The following SRSF3 variants were observed in gnomAD, a reference collection of about 807,000 sequenced individuals.
SRSF3 encodes the protein serine and arginine rich splicing factor 3, also known as serine/arginine-rich splicing factor 3.
For missense variants in SRSF3, 58 were observed against 217.1 expected (o/e 0.27, Z 4.61); for synonymous variants, 87 against 73.6 (o/e 1.18, Z -0.93).
At position 36,603,547 on chromosome 6, in the gene SRSF3, A is replaced by AT. The variant is rs1778754486; in HGVS notation, c.*1560dup. The AT allele has an allele frequency of 4.4e-6, 1 of 227,420 alleles. No individual in the cohort carries two copies. The highest frequency in any genetic ancestry group is 8.8e-6 in the Non-Finnish European group (1 of 114,268). The allele number at this position is 227,420 out of a possible 1,614,324, so 14.1% of individuals were successfully genotyped here. On this transcript the variant is annotated 3_prime_UTR_variant, in exon 6 of 6. Coordinates refer to ENST00000373715, the MANE Select transcript of SRSF3 (RefSeq NM_003017.5). ...TTAAGAGTTCAAGCTAAATGGATAC[A>AT]TTAAGATACAGTTCCTAAACAAATT...
In SRSF3 at chr6:36,598,945, A is replaced by G. The variant is rs1778675087; in HGVS notation, c.303A>G (p.Arg101=). The change falls in exon 3 of 6, where the codon CGA becomes CGG. Residue 101 remains arginine, a synonymous_variant. Transcript: ENST00000373715. ...GPPPSWGRRP[R]DDYRRRSPPP... is the part of the protein sequence containing the mutation. The stretch of plus-strand genomic sequence containing the variant: ...CTCCCTCTTGGGGTCGTCGCCCTCG[A>G]GATGATTATCGTAGGAGGAGTCCTC... 6.2e-7 allele frequency: 1 copy of G among 1,614,090 alleles called. No individual in the cohort carries two copies. The highest frequency in any genetic ancestry group is 8.5e-7 in the Non-Finnish European group (1 of 1,180,048).
At chr6:36,599,804 A>C in intron 3 of SRSF3, 4 of 1,350,512 alleles carry the variant, frequency 3.0e-6, no homozygotes, top group Non-Finnish European at 3.9e-6. Context: ...TATTAATAAA[A>C]ATGAACCCCG....
chr6:36,595,535 A>T (rs1778612632), intron 1 of SRSF3, among the ~76,000 whole-genome samples: 1 of 152,088 alleles, frequency 6.6e-6, no homozygotes, highest in African/African-American at 2.4e-5. Flanking sequence ...AGCAACCACT[A>T]ATCTTCCTGT....
intron 1 of SRSF3, among the ~76,000 whole-genome samples, chr6:36,594,983 C>G (rs1229059154): frequency 6.6e-6 from 1 of 152,168 alleles, no homozygotes; most frequent in Non-Finnish European, 1.5e-5. Context: ...AAGATTCGTT[C>G]TTTCATCGCT....
chr6:36,596,185 A>C (rs1341429019), intron 1 of SRSF3, among the ~76,000 whole-genome samples: 1 of 152,056 alleles, frequency 6.6e-6, no homozygotes, highest in Non-Finnish European at 1.5e-5. Context: ...GCTTCCCAAA[A>C]GTTCTGGGAT....
chr6:36,605,261 AG>A lies in SRSF3; in HGVS notation c.*3274del, dbSNP rs1778790733. On this transcript the variant is annotated 3_prime_UTR_variant, in exon 6 of 6. Transcript: ENST00000373715. ...TCCCGGTGCATTGGGAGGTTGAGGC[AG>A]GTGGATCACTTGTGGTCAGGAGTTG... is the stretch of plus-strand genomic sequence containing the variant. 1 of 152,206 alleles carries A rather than the reference AG, an allele frequency of 6.6e-6. No homozygotes were observed. Among genetic ancestry groups the A allele is most frequent in the Admixed American group, 6.5e-5 (1 of 15,274 alleles). The allele number at this position is 152,206 out of a possible 1,614,324, so 9.4% of individuals were successfully genotyped here.
rs1778719791 is a variant in SRSF3, at chr6:36,601,791, G to A, written c.464G>A (p.Arg155His). 3.1e-6 allele frequency: 5 copies of A among 1,608,134 alleles called. No individual in the cohort carries two copies. The highest frequency in any genetic ancestry group is 4.5e-5 in the East Asian group (2 of 44,714). Reference protein sequence around the residue: ...HKPSRSFSRSRSRSRSNERK With the variant: ...HKPSRSFSRSHSRSRSNERK Reference sequence around the variant, plus strand: ...CCGTCCCGATCCTTCTCTAGGTCTCGTAGGTAAGATCTTTGATAACTTGTA... The same window carrying A: ...CCGTCCCGATCCTTCTCTAGGTCTCATAGGTAAGATCTTTGATAACTTGTA... Residue 155 changes from arginine (R) to histidine (H), a missense_variant, in exon 5 of 6, where the codon CGT becomes CAT. Transcript: ENST00000373715.
At position 36,603,154 on chromosome 6, in the gene SRSF3, A is replaced by G. The variant is rs886636467; in HGVS notation, c.*1165A>G. The G allele has an allele frequency of 1.3e-5, 3 of 224,304 alleles. No individual in the cohort carries two copies. Among genetic ancestry groups the G allele is most frequent in the Admixed American group, 5.7e-5 (1 of 17,454 alleles). 13.9% of individuals were successfully genotyped at this position (224,304 alleles called of 1,614,324 possible). On this transcript the variant is annotated 3_prime_UTR_variant, in exon 6 of 6. Transcript: ENST00000373715. ...ACCAACATTTTAAAGTATAGCAGCA[A>G]CCTGGTTCTTAAACACAAAGTAAGT...
Position 36,596,622 on chromosome 6 carries a change from C to G in SRSF3, c.-2-139C>G, listed in dbSNP as rs534936622. 7 of 616,258 alleles carry G rather than the reference C, an allele frequency of 1.1e-5. No homozygotes were observed. The East Asian group carries it at 2.6e-4, about 23-fold the overall frequency. The allele number at this position is 616,258 out of a possible 1,614,324, so 38.2% of individuals were successfully genotyped here. A position where few individuals can be genotyped will look rare whatever the true frequency, so the allele number is the denominator to read the frequency against. ...AGCAGTAACATTTCTTGTTTGGTTTCTAGCATTTTTGTAATTTTTTTTTCT... is the reference window on the plus strand; with the variant it reads ...AGCAGTAACATTTCTTGTTTGGTTTGTAGCATTTTTGTAATTTTTTTTTCT... On this transcript the variant is annotated intron_variant, in intron 1 of 5. Coordinates refer to ENST00000373715, the MANE Select transcript of SRSF3 (RefSeq NM_003017.5).
In SRSF3 at chr6:36,602,961, C is replaced by T. The variant is rs1251416160; in HGVS notation, c.*972C>T. The T allele has an allele frequency of 2.8e-5, 6 of 216,670 alleles. No homozygotes were observed. The East Asian group carries it at 4.1e-4, about 15-fold the overall frequency. 13.4% of individuals were successfully genotyped at this position (216,670 alleles called of 1,614,324 possible). On this transcript the variant is annotated 3_prime_UTR_variant, in exon 6 of 6. Coordinates refer to ENST00000373715, the MANE Select transcript of SRSF3 (RefSeq NM_003017.5). ...CCCACTGTTACCATTGTTCTTATCC[C>T]ATGGGAAGCAGTTGGTTACACGATT... is the stretch of plus-strand genomic sequence containing the variant.
chr6:36,598,131 TAACTG>T (rs1393299167), intron 2 of SRSF3, among the ~76,000 whole-genome samples: 1 of 152,108 alleles, frequency 6.6e-6, no homozygotes. Flanking sequence ...GCCTGGTAAA[TAACTG>T]AAATAAGTGC....
chr6:36,601,870 T>C (rs1778721431), intron 5 of SRSF3, 76 bp downstream of exon 5: 2 of 1,594,694 alleles, frequency 1.3e-6, no homozygotes, highest in Non-Finnish European at 8.5e-7. Flanking sequence ...GCCATAAATT[T>C]TTTACCTTAA....
In SRSF3 at chr6:36,604,393, G is replaced by A. The variant is rs1419082358; in HGVS notation, c.*2404G>A. 1 of 202,542 alleles carries A rather than the reference G, an allele frequency of 4.9e-6. No homozygotes were observed. Among genetic ancestry groups the A allele is most frequent in the Non-Finnish European group, 1.0e-5 (1 of 98,700 alleles). 12.5% of individuals were successfully genotyped at this position (202,542 alleles called of 1,614,324 possible). ...GCTAGGGCGGGTGGGAGGATCTCTT[G>A]AAGCCAGGAGTTGGAGACCAGTCTG... On this transcript the variant is annotated 3_prime_UTR_variant, in exon 6 of 6. Coordinates refer to ENST00000373715, the MANE Select transcript of SRSF3 (RefSeq NM_003017.5).
chr6:36,604,452 G>A lies in SRSF3; in HGVS notation c.*2463G>A, dbSNP rs931626923. On this transcript the variant is annotated 3_prime_UTR_variant, in exon 6 of 6. Transcript: ENST00000373715. Reference sequence around the variant, plus strand: ...GGCAAGATTCACATTTCTATTAAAAGGAATATTTAGTTTGATCTCTGGTTC... The same window carrying A: ...GGCAAGATTCACATTTCTATTAAAAAGAATATTTAGTTTGATCTCTGGTTC... 1 of 186,394 alleles carries A rather than the reference G, an allele frequency of 5.4e-6. No homozygotes were observed. Among genetic ancestry groups the A allele is most frequent in the Non-Finnish European group, 1.1e-5 (1 of 88,228 alleles). The allele number at this position is 186,394 out of a possible 1,614,324, so 11.5% of individuals were successfully genotyped here.
intron 2 of SRSF3, chr6:36,598,517 G>A (rs537793059): frequency 1.1e-4 from 23 of 214,340 alleles, no homozygotes; most frequent in African/African-American, 4.6e-4. Flanking sequence ...CTGAGTAGCT[G>A]GGATTACAGG....
chr6:36,601,051 C>G, intron 3 of SRSF3, 101 bp from the exon 4 acceptor site: 1 of 419,822 alleles, frequency 2.4e-6, no homozygotes, highest in African/African-American at 2.9e-5. Context: ...AGTTCTTCGG[C>G]ACATTCACTG....
rs747003368 is a variant in SRSF3 at position 36,601,732 on chromosome 6, A to G, written c.405A>G (p.Arg135=). 1 of 1,608,826 alleles carries G rather than the reference A, an allele frequency of 6.2e-7. No individual in the cohort carries two copies. Among genetic ancestry groups the G allele is most frequent in the Non-Finnish European group, 8.5e-7 (1 of 1,175,794 alleles). The change falls in exon 5 of 6, where the codon AGA becomes AGG. Residue 135 remains arginine (R), a synonymous_variant. Coordinates refer to ENST00000373715, the MANE Select transcript of SRSF3 (RefSeq NM_003017.5). The part of the protein sequence containing the change: ...RSRSLSRDRR[R]ERSLSRERNH... The stretch of plus-strand genomic sequence containing the variant: ...GGTCCCTTTCTAGAGATAGGAGAAG[A>G]GAGAGATCGCTGTCTCGGGAGAGAA...
intron 3 of SRSF3, among the ~76,000 whole-genome samples, 183 bp downstream of exon 3, chr6:36,599,166 T>C (rs1048221436): frequency 6.6e-6 from 1 of 152,220 alleles, no homozygotes; most frequent in African/African-American, 2.4e-5. Flanking sequence ...TGTCTTTAGG[T>C]CACTGTTCAT....
intron 2 of SRSF3, among the ~76,000 whole-genome samples, chr6:36,597,979 G>A (rs756349017): frequency 1.3e-5 from 2 of 151,996 alleles, no homozygotes; most frequent in Non-Finnish European, 2.9e-5. Context: ...ACAGGCATGA[G>A]CCACCTCACC....
Sources: allele counts gnomAD v4.1 joint callset (sites outside exome capture counted in the v4.1 genomes callset), GRCh38; gene constraint gnomAD v4.1.1; transcripts MANE v1.5; gene names NCBI Gene and HGNC (gene_info 2026-07-23, HGNC 2026-07-21).